Variants in BANP observed in about 807,000 individuals in gnomAD.
BANP encodes the protein protein BANP.
In BANP, 11 loss-of-function variants were observed where a neutral mutation model predicts 68.1. That is an observed-to-expected ratio of 0.16 (90% CI 0.10 to 0.27). The LOEUF is 0.27. Ranked by LOEUF, BANP falls within the 10% of genes least tolerant of loss-of-function variation. The pLI is 1.00. For missense variants in BANP, 504 were observed against 722.7 expected, an observed-to-expected ratio of 0.70 and a Z score of 3.47; for synonymous variants, 329 against 303.2, an observed-to-expected ratio of 1.09 and a Z score of -0.88.
chr16:88,031,087 C>T (rs1013839899), intron 8 of BANP, among the ~76,000 whole-genome samples: 49 of 152,328 alleles, frequency 3.2e-4, no homozygotes, highest in Non-Finnish European at 5.3e-4. Context: ...AAGGCTTGCT[C>T]GAGGACCTGT....
At chr16:87,985,198 C>A (rs1328257511) in intron 4 of BANP, among the ~76,000 whole-genome samples, 1 of 152,206 alleles carries the variant, frequency 6.6e-6, no homozygotes, top group Non-Finnish European at 1.5e-5. Flanking sequence ...CTCCACATGA[C>A]GGCTGCTGTG....
At chr16:87,977,455 G>A (rs552671228) in intron 2 of BANP, among the ~76,000 whole-genome samples, 6 of 151,810 alleles carry the variant, frequency 4.0e-5, no homozygotes, top group South Asian at 4.2e-4. Context: ...ACAGAGCTCC[G>A]AGGCCTGCCC....
chr16:87,982,321 G>C (rs1458974836), intron 3 of BANP, among the ~76,000 whole-genome samples: 2 of 152,166 alleles, frequency 1.3e-5, no homozygotes, highest in East Asian at 3.9e-4. Flanking sequence ...CGTGGCTCTA[G>C]GTTGTTTTAT....
intron 13 of BANP, among the ~76,000 whole-genome samples, chr16:88,072,492 C>G (rs1191274563): frequency 6.6e-6 from 1 of 152,278 alleles, no homozygotes; most frequent in African/African-American, 2.4e-5. Flanking sequence ...TCTGCCCTGT[C>G]CTCCCTCCAC....
rs191258508 is a variant in BANP at position 88,044,028 on chromosome 16, G to A, written c.1311+6017G>A. ...TTTGCATAAGGTGGATAGACCAGTT[G>A]GCCACTTCAGGGGGCTGGCAGGGGA... On this transcript the variant is annotated intron_variant, in intron 11 of 13. Coordinates refer to ENST00000682872, the MANE Select transcript of BANP (RefSeq NM_001386991.1). Among the ~76,000 whole-genome samples the A allele has an allele frequency of 1.5e-4, 23 of 152,288 alleles. No homozygotes were observed. In the East Asian group the frequency reaches 3.3e-3, roughly 22 times the overall value.
At chr16:88,031,076 C>T (rs144330643) in intron 8 of BANP, among the ~76,000 whole-genome samples, 7,330 of 152,296 alleles carry the variant, frequency 0.048, 199 homozygotes, top group African/African-American at 0.071. Context: ...CTGGGGTGCA[C>T]AAGGCTTGCT....
rs569912512 is a variant in BANP, at chr16:88,036,728, C to T, written c.1273-1245C>T. ...GCGACATGACCAGGTCACTAAGAAA[C>T]GTGGTCAGATGGATGGATGGAAGGA... On this transcript the variant is annotated intron_variant, in intron 10 of 13. Coordinates refer to ENST00000682872, the MANE Select transcript of BANP (RefSeq NM_001386991.1). This position sits in a 1 kb window ranked among gnomAD's most constrained non-coding sequence, Gnocchi z 4.2. Among the ~76,000 whole-genome samples the T allele has an allele frequency of 3.9e-5, 6 of 152,120 alleles. No homozygotes were observed. The highest frequency in any genetic ancestry group is 1.9e-4 in the East Asian group (1 of 5,174).
chr16:87,979,423 C>A (rs7194995), intron 2 of BANP, among the ~76,000 whole-genome samples: 123,593 of 152,078 alleles, frequency 0.81, 50,945 homozygotes, highest in African/African-American at 0.95. Flanking sequence ...CAGTATAAAC[C>A]GGTGTGAGTT....
At chr16:87,956,813 C>T (rs761149470) in intron 1 of BANP, 7 of 152,220 alleles carry the variant, frequency 4.6e-5, no homozygotes, top group Non-Finnish European at 7.3e-5. Context: ...GAGACGATGT[C>T]TCCATCCTCA....
chr16:88,006,093 T>C lies in BANP; in HGVS notation c.483T>C (p.Ala161=). 1.2e-6 allele frequency: 2 copies of C among 1,613,650 alleles called. No individual in the cohort carries two copies. The highest frequency in any genetic ancestry group is 2.2e-5 in the East Asian group (1 of 44,852). Residue 161 remains alanine (A), a synonymous_variant, in exon 6 of 14, where the codon GCT becomes GCC. Coordinates refer to ENST00000682872, the MANE Select transcript of BANP (RefSeq NM_001386991.1). ...GTGTGTTTTTTTTCCCGTTTAGCGC[T>C]GTGCCTGGGCGTCGGCAGAACACCA... ...PDSLENVISN[A]VPGRRQNTIV...
intron 6 of BANP, among the ~76,000 whole-genome samples, chr16:88,010,807 G>C (rs370126292): frequency 1.3e-5 from 2 of 152,114 alleles, no homozygotes; most frequent in African/African-American, 4.8e-5. Flanking sequence ...GCAGTCCATG[G>C]AATGCCATTC....
chr16:88,033,280 G>T (rs1174189686), intron 9 of BANP, 35 bp downstream of exon 9: 4 of 1,505,352 alleles, frequency 2.7e-6, no homozygotes, highest in East Asian at 4.7e-5. Flanking sequence ...CTTGGGAAAG[G>T]GGGCTGCGGG....
Position 88,065,277 on chromosome 16 carries a change from C to G in BANP, c.1322C>G (p.Ala441Gly). ...TCTTGCCTTTTCCAGCTTCTAGAGG[C>G]CACCCGCATCCCCTGCCTCCTGGCC... is the stretch of plus-strand genomic sequence containing the variant. ...HVGQDGQLLE[A>G]TRIPCLLAPS... The change falls in exon 12 of 14, where the codon GCC becomes GGC. Residue 441 changes from alanine (A) to glycine (G), a missense_variant. Ala to Gly is a moderately conservative substitution (Grantham distance 60). Transcript: ENST00000682872. The G allele has an allele frequency of 1.3e-6, 1 of 764,754 alleles. No individual in the cohort carries two copies. Among genetic ancestry groups the G allele is most frequent in the Non-Finnish European group, 2.4e-6 (1 of 416,420 alleles). 47.4% of individuals were successfully genotyped at this position (764,754 alleles called of 1,614,324 possible). A position where few individuals can be genotyped will look rare whatever the true frequency, so the allele number is the denominator to read the frequency against.
intron 6 of BANP, among the ~76,000 whole-genome samples, chr16:88,008,142 T>C (rs943778165): frequency 1.3e-5 from 2 of 152,186 alleles, no homozygotes; most frequent in Non-Finnish European, 2.9e-5. Context: ...CATTGTAGCT[T>C]TTGCCCAGTG....
chr16:88,052,594 T>C (rs1162187276), intron 11 of BANP, among the ~76,000 whole-genome samples: 1 of 151,558 alleles, frequency 6.6e-6, no homozygotes, highest in African/African-American at 2.4e-5. Flanking sequence ...CACAACCACC[T>C]CTACCACCTC....
intron 11 of BANP, among the ~76,000 whole-genome samples, chr16:88,061,802 A>G (rs1216824012): frequency 1.3e-5 from 2 of 152,026 alleles, no homozygotes; most frequent in Non-Finnish European, 2.9e-5. Flanking sequence ...AGTAGCTGGG[A>G]TTACAGGCAC....
At chr16:87,998,867 C>A (rs567361655) in intron 4 of BANP, among the ~76,000 whole-genome samples, 346 of 135,524 alleles carry the variant, frequency 2.6e-3, no homozygotes, top group African/African-American at 9.2e-3. Context: ...CTTCCAGACA[C>A]GTCTCCATGC....
intron 12 of BANP, among the ~76,000 whole-genome samples, chr16:88,068,210 T>C (rs2089304371): frequency 6.6e-6 from 1 of 152,198 alleles, no homozygotes; most frequent in Admixed American, 6.5e-5. Flanking sequence ...GAGCTGGGGA[T>C]GGAGGAGGTG....
chr16:88,053,720 C>G (rs2084032753), intron 11 of BANP, among the ~76,000 whole-genome samples: 1 of 150,402 alleles, frequency 6.6e-6, no homozygotes. Flanking sequence ...ATCACCAACA[C>G]AACCACCTTC....
Sources: allele counts gnomAD v4.1 joint callset (sites outside exome capture counted in the v4.1 genomes callset), GRCh38; gene constraint gnomAD v4.1.1; non-coding constraint Gnocchi (gnomAD v3.1); transcripts MANE v1.5; gene names NCBI Gene and HGNC (gene_info 2026-07-23, HGNC 2026-07-21).